RAD52: variants seen among roughly 807,000 people sequenced by gnomAD.
The protein encoded by RAD52 is DNA repair protein RAD52 homolog.
In RAD52, 47 loss-of-function variants were observed where a neutral mutation model predicts 55.5. The observed-to-expected ratio is 0.85, with a 90% CI of 0.67 to 1.08. RAD52 has a LOEUF of 1.08. Ranked by LOEUF, RAD52 falls within the 50% of genes least tolerant of loss-of-function variation. The probability of loss-of-function intolerance (pLI) is 0.00; values close to 1 mark genes in which losing one functional copy is unlikely to be tolerated. For synonymous variants in RAD52, 184 were observed against 198.9 expected, an observed-to-expected ratio of 0.92 and a Z score of 0.63; for missense variants, 468 against 522.8, an observed-to-expected ratio of 0.90 and a Z score of 1.02.
intron 1 of RAD52, among the ~76,000 whole-genome samples, chr12:981,877 C>T (rs1392020327): frequency 6.6e-6 from 1 of 152,184 alleles, no homozygotes; most frequent in African/African-American, 2.4e-5. Context: ...ACGCTCTGCC[C>T]TCCTGGCCCA....
intron 1 of RAD52, among the ~76,000 whole-genome samples, chr12:961,606 T>C (rs1592473947): frequency 6.6e-6 from 1 of 150,950 alleles, no homozygotes; most frequent in East Asian, 2.0e-4. Context: ...CATGCCTGTA[T>C]TCCCAGCACT....
At chr12:945,203 T>C (rs528429414) in intron 1 of RAD52, among the ~76,000 whole-genome samples, 1 of 151,828 alleles carries the variant, frequency 6.6e-6, no homozygotes, top group Admixed American at 6.6e-5. Context: ...ATACAAAAAT[T>C]AGCTGGGCAT....
At chr12:921,997 T>C (rs866949692) in intron 7 of RAD52, among the ~76,000 whole-genome samples, 17 of 151,714 alleles carry the variant, frequency 1.1e-4, no homozygotes, top group Non-Finnish European at 1.8e-4. Flanking sequence ...TCCCAGCTAC[T>C]TGGGAGGCTG....
At chr12:944,609 A>T (rs1958098296) in intron 1 of RAD52, among the ~76,000 whole-genome samples, 2 of 87,846 alleles carry the variant, frequency 2.3e-5, no homozygotes, top group South Asian at 6.0e-4. Context: ...AAAACATGGT[A>T]AAAAAAAAAA....
chr12:965,145 A>G (rs1958741749), intron 1 of RAD52, among the ~76,000 whole-genome samples: 1 of 151,666 alleles, frequency 6.6e-6, no homozygotes, highest in South Asian at 2.1e-4. Flanking sequence ...ACGCCCGGCT[A>G]ATTTTTGTAT....
intron 1 of RAD52, 94 bp from the exon 2 acceptor site, chr12:933,170 C>T: frequency 1.1e-6 from 1 of 879,062 alleles, no homozygotes; most frequent in Non-Finnish European, 1.8e-6. Flanking sequence ...ATAAAGAATC[C>T]TTATGCGGCC....
chr12:980,704 C>G (rs540723565), intron 1 of RAD52, among the ~76,000 whole-genome samples: 2 of 151,784 alleles, frequency 1.3e-5, no homozygotes, highest in East Asian at 3.9e-4. Flanking sequence ...TGGGTTCAGG[C>G]CTCCTGCCTC....
chr12:965,961 G>A (rs1281303791), intron 1 of RAD52, among the ~76,000 whole-genome samples: 1 of 151,712 alleles, frequency 6.6e-6, no homozygotes, highest in African/African-American at 2.4e-5. Flanking sequence ...TGGGATTACA[G>A]GCATGAACCA....
At chr12:918,424 T>G (rs1389571469) in intron 7 of RAD52, among the ~76,000 whole-genome samples, 2 of 151,944 alleles carry the variant, frequency 1.3e-5, no homozygotes, top group Non-Finnish European at 2.9e-5. Context: ...TGAGAGAGGG[T>G]CTCGCTCTGT....
intron 1 of RAD52, among the ~76,000 whole-genome samples, chr12:946,444 T>C (rs530825976): frequency 6.6e-6 from 1 of 152,344 alleles, no homozygotes; most frequent in Non-Finnish European, 1.5e-5. Context: ...AACAGGCCAA[T>C]ACATAACCTT....
intron 1 of RAD52, among the ~76,000 whole-genome samples, chr12:966,410 A>C (rs1217233650): frequency 6.6e-6 from 1 of 152,008 alleles, no homozygotes; most frequent in Non-Finnish European, 1.5e-5. Context: ...TCGAGACTAG[A>C]AACCATGAAC....
chr12:987,951 C>T (rs944484235), intron 1 of RAD52, among the ~76,000 whole-genome samples: 1 of 151,996 alleles, frequency 6.6e-6, no homozygotes, highest in Non-Finnish European at 1.5e-5. Context: ...ATTACAGGCG[C>T]GAGCCACTGC....
At chr12:969,828 T>C (rs1958817110) in intron 1 of RAD52, among the ~76,000 whole-genome samples, 1 of 151,722 alleles carries the variant, frequency 6.6e-6, no homozygotes, top group Non-Finnish European at 1.5e-5. Flanking sequence ...GTATACGATA[T>C]TAAGAGTGAA....
At position 927,202 on chromosome 12, in the gene RAD52, A is replaced by C; in HGVS notation, c.410T>G (p.Leu137Ter). 6.2e-7 allele frequency: 1 copy of C among 1,614,158 alleles called. No individual in the cohort carries two copies. Among genetic ancestry groups the C allele is most frequent in the East Asian group, 2.2e-5 (1 of 44,882 alleles). ...GVSEGLKSKA[L>*]SLEKARKEAV... ...CTCCTTCCTTGCCTTCTCCAAAGATAAAGCCTTGGACTTGAGGCCCTCACT... is the reference window on the plus strand; with the variant it reads ...CTCCTTCCTTGCCTTCTCCAAAGATCAAGCCTTGGACTTGAGGCCCTCACT... Residue 137 changes from leucine (L) to a stop codon, truncating the protein, a stop_gained, in exon 6 of 12, where the codon TTA becomes TGA. Coordinates refer to ENST00000358495, the MANE Select transcript of RAD52 (RefSeq NM_134424.4). LOFTEE classifies it high-confidence loss of function.
chr12:970,769 G>C (rs1958836176), intron 1 of RAD52, among the ~76,000 whole-genome samples: 1 of 152,166 alleles, frequency 6.6e-6, no homozygotes, highest in Non-Finnish European at 1.5e-5. Context: ...TCTGAAGAAA[G>C]TGAACCAACA....
chr12:943,043 C>A (rs1052294728), intron 1 of RAD52, among the ~76,000 whole-genome samples: 1 of 152,128 alleles, frequency 6.6e-6, no homozygotes, highest in Non-Finnish European at 1.5e-5. Context: ...AGGCACTTCA[C>A]AAAGGAAGAT....
intron 1 of RAD52, among the ~76,000 whole-genome samples, chr12:936,324 C>A (rs1049348903): frequency 2.0e-5 from 3 of 151,302 alleles, no homozygotes; most frequent in Admixed American, 6.6e-5. Context: ...ACAAAACAAA[C>A]AAAAAAAATT....
chr12:957,454 A>G (rs1344730219), intron 1 of RAD52, among the ~76,000 whole-genome samples: 3 of 146,670 alleles, frequency 2.0e-5, no homozygotes, highest in African/African-American at 7.6e-5. Flanking sequence ...CAACAAGAGT[A>G]AAACTTCGTC....
chr12:970,340 A>AG (rs1958828519), intron 1 of RAD52, among the ~76,000 whole-genome samples: 1 of 151,242 alleles, frequency 6.6e-6, no homozygotes, highest in East Asian at 1.9e-4. Flanking sequence ...AAAAAAAAAA[A>AG]AGTCATAATT....
Sources: gnomAD v4.1 joint callset for allele counts (sites outside exome capture counted in the v4.1 genomes callset) on GRCh38, gnomAD v4.1.1 for gene constraint, MANE v1.5 for transcripts, NCBI Gene and HGNC (gene_info 2026-07-23, HGNC 2026-07-21) for gene names.